The following RYR3 variants were observed in gnomAD, a reference collection of about 807,000 sequenced individuals.
The protein encoded by RYR3 is brain ryanodine receptor-calcium release channel.
Under a neutral mutation model 584.3 loss-of-function variants are expected in RYR3, and 207 were observed. That is an observed-to-expected ratio of 0.35 (90% confidence interval 0.32 to 0.40). The LOEUF (loss-of-function observed/expected upper bound fraction) is 0.40. RYR3 is among the 10% of genes least tolerant of loss of function. RYR3 has a pLI of 1.00. For missense variants in RYR3, 5,616 were observed against 6,089.2 expected, an observed-to-expected ratio of 0.92 and a Z score of 2.59; for synonymous variants, 2,416 against 2,248.5, an observed-to-expected ratio of 1.07 and a Z score of -2.11.
At chr15:33,583,768 T>C (rs1166266847) in intron 14 of RYR3, among the ~76,000 whole-genome samples, 6 of 152,160 alleles carry the variant, frequency 3.9e-5, no homozygotes, top group South Asian at 2.1e-4. Context: ...AAAAAATATT[T>C]ACGCCAGGCA....
chr15:33,406,477 T>TA (rs2141431391), intron 1 of RYR3, among the ~76,000 whole-genome samples: 1 of 152,356 alleles, frequency 6.6e-6, no homozygotes, highest in South Asian at 2.1e-4. Flanking sequence ...TGACCCATGA[T>TA]ATTTAGTTGC....
intron 47 of RYR3, 21 bp from the exon 48 acceptor site, chr15:33,731,453 G>C: frequency 6.4e-7 from 1 of 1,569,974 alleles, no homozygotes; most frequent in Admixed American, 1.8e-5. Context: ...ATTAACCTGT[G>C]TCCCAATCTT....
chr15:33,467,532 T>C, intron 1 of RYR3: 1 of 968,574 alleles, frequency 1.0e-6, no homozygotes, highest in Non-Finnish European at 1.2e-6. Flanking sequence ...CAAGATCCAT[T>C]CATTTTCAAG....
intron 38 of RYR3, among the ~76,000 whole-genome samples, chr15:33,675,701 G>A (rs2064134292): frequency 6.6e-6 from 1 of 152,150 alleles, no homozygotes; most frequent in Non-Finnish European, 1.5e-5. Context: ...GTTAATATGT[G>A]CAAATTGCTT....
Position 33,832,398 on chromosome 15 carries a change from T to C in RYR3, c.11463+1307T>C, listed in dbSNP as rs540920499. Among the ~76,000 whole-genome samples the C allele has an allele frequency of 5.3e-5, 8 of 152,224 alleles. No homozygotes were observed. The South Asian group carries it at 1.7e-3, about 32-fold the overall frequency. On this transcript the variant is annotated intron_variant, in intron 86 of 103. Coordinates refer to ENST00000634891, the MANE Select transcript of RYR3 (RefSeq NM_001036.6). ...GGCCGGGCACGGTGGCTCACGCAAG[T>C]AATCCCAACTCTTTGGGAGGCCAAG...
At chr15:33,825,518 C>A in intron 81 of RYR3, 85 bp from the exon 82 acceptor site, 1 of 833,254 alleles carries the variant, frequency 1.2e-6, no homozygotes, top group Admixed American at 2.2e-5. Context: ...GCAGGATATG[C>A]TTAGTCGATA....
chr15:33,481,715 C>T (rs1280450370), intron 2 of RYR3, among the ~76,000 whole-genome samples: 1 of 151,750 alleles, frequency 6.6e-6, no homozygotes, highest in Non-Finnish European at 1.5e-5. Context: ...CTCCTGACCT[C>T]AGGTGACCCA....
chr15:33,425,763 T>G (rs750666235), intron 1 of RYR3, among the ~76,000 whole-genome samples: 6 of 149,688 alleles, frequency 4.0e-5, no homozygotes, highest in Non-Finnish European at 8.9e-5. Context: ...TGCCTCAGCC[T>G]CCCGAGTAGC....
At position 33,762,646 on chromosome 15, in the gene RYR3, G is replaced by A. The variant is rs565468453; in HGVS notation, c.8705+5050G>A. 2.0e-5 allele frequency among the ~76,000 whole-genome samples: 3 copies of A among 152,306 alleles called. No individual in the cohort carries two copies. In the East Asian group the frequency reaches 5.8e-4, roughly 29 times the overall value. On this transcript the variant is annotated intron_variant, in intron 60 of 103. Transcript: ENST00000634891. ...ACAAACGAATGGAAAAACATTCCAT[G>A]CTCATGGATAGGAAGAATCAATATC...
chr15:33,833,209 A>G (rs900500169), intron 86 of RYR3, among the ~76,000 whole-genome samples: 3 of 152,188 alleles, frequency 2.0e-5, no homozygotes, highest in Non-Finnish European at 4.4e-5. Flanking sequence ...AGAAGTGGAC[A>G]ATGTTTTTTA....
intron 2 of RYR3, among the ~76,000 whole-genome samples, chr15:33,488,853 AAAAC>A (rs368886639): frequency 7.8e-4 from 119 of 152,176 alleles, no homozygotes; most frequent in Non-Finnish European, 1.2e-3. Flanking sequence ...TCTATCTCAA[AAAAC>A]AAACAAACAA....
intron 1 of RYR3, among the ~76,000 whole-genome samples, chr15:33,352,575 G>A (rs748342010): frequency 1.3e-5 from 2 of 152,180 alleles, no homozygotes; most frequent in East Asian, 1.9e-4. Flanking sequence ...TTGGTGCTTC[G>A]TTTTGTCTCT....
At chr15:33,619,325 T>C (rs1332089740) in intron 19 of RYR3, among the ~76,000 whole-genome samples, 1 of 152,242 alleles carries the variant, frequency 6.6e-6, no homozygotes, top group East Asian at 1.9e-4. Context: ...TTCAATTCTC[T>C]TTTTAATTTT....
At chr15:33,673,741 A>T (rs1370985160) in intron 38 of RYR3, among the ~76,000 whole-genome samples, 1 of 152,246 alleles carries the variant, frequency 6.6e-6, no homozygotes, top group Non-Finnish European at 1.5e-5. Flanking sequence ...TACAGATTAA[A>T]ATTCGGTAAA....
chr15:33,851,077 G>GTT (rs2079075631), intron 94 of RYR3: 1 of 152,086 alleles, frequency 6.6e-6, no homozygotes, highest in Admixed American at 6.6e-5. Flanking sequence ...TATAGCTATA[G>GTT]TTTGTTCATT....
At chr15:33,654,407 C>T (rs1292914582) in intron 32 of RYR3, among the ~76,000 whole-genome samples, 2 of 151,588 alleles carry the variant, frequency 1.3e-5, no homozygotes, top group Non-Finnish European at 2.9e-5. Flanking sequence ...CCCAGCTGCT[C>T]AGGAGGCTAA....
intron 3 of RYR3, among the ~76,000 whole-genome samples, chr15:33,509,431 T>G (rs568995692): frequency 4.6e-5 from 7 of 152,286 alleles, no homozygotes; most frequent in African/African-American, 1.7e-4. Flanking sequence ...TTAGAAATGT[T>G]AGAAAAAAAT....
Position 33,649,131 on chromosome 15 carries a change from A to G in RYR3, c.4038A>G (p.Gly1346=). 1 of 1,613,822 alleles carries G rather than the reference A, an allele frequency of 6.2e-7. No homozygotes were observed. Residue 1346 remains glycine (G), a synonymous_variant, in exon 31 of 104, where the codon GGA becomes GGG. Coordinates refer to ENST00000634891, the MANE Select transcript of RYR3 (RefSeq NM_001036.6). ...AGGATCCATCCTGTGTCTGGGTCGG[A>G]TGGGTGACTCCAGACTATCACTTGT... ...AGQDPSCVWV[G]WVTPDYHLYS... is the part of the protein sequence containing the mutation.
At chr15:33,824,188 C>T (rs1390308123) in intron 81 of RYR3, among the ~76,000 whole-genome samples, 1 of 152,208 alleles carries the variant, frequency 6.6e-6, no homozygotes, top group Non-Finnish European at 1.5e-5. Context: ...TACTTTCTAA[C>T]AGTTCTCTCA....
Sources: gnomAD v4.1 joint callset for allele counts (sites outside exome capture counted in the v4.1 genomes callset) on GRCh38, gnomAD v4.1.1 for gene constraint, MANE v1.5 for transcripts, NCBI Gene and HGNC (gene_info 2026-07-23, HGNC 2026-07-21) for gene names.